LRRC40: variants seen among roughly 807,000 people sequenced by gnomAD.
LRRC40 encodes leucine-rich repeat-containing protein 40.
In LRRC40, 76 loss-of-function variants were observed where a neutral mutation model predicts 72.8. The observed-to-expected ratio is 1.04, with a 90% CI of 0.87 to 1.26. The LOEUF is 1.26. LRRC40 is among the 50% of genes most tolerant of loss of function. The pLI is 0.00. For synonymous variants in LRRC40, 243 were observed against 254.2 expected (o/e 0.96, Z 0.42); for missense variants, 684 against 698.9 (o/e 0.98, Z 0.24).
chr1:70,199,213 T>TCACACACACACA (rs1301228532), intron 1 of LRRC40, among the ~76,000 whole-genome samples: 1 of 81,910 alleles, frequency 1.2e-5, no homozygotes, highest in African/African-American at 8.5e-5. Context: ...TTATACATAG[T>TCACACACACACA]CTCACACACA....
intron 12 of LRRC40, 72 bp downstream of exon 12, chr1:70,152,361 A>T: frequency 1.3e-6 from 1 of 786,618 alleles, no homozygotes; most frequent in East Asian, 2.6e-5. Context: ...TGAGGTAAAA[A>T]GAATAAGTTA....
At chr1:70,169,200 G>T (rs949567858) in intron 9 of LRRC40, among the ~76,000 whole-genome samples, 1 of 152,080 alleles carries the variant, frequency 6.6e-6, no homozygotes, top group Admixed American at 6.6e-5. Context: ...GCAAGACCTC[G>T]TTCCACATAG....
chr1:70,173,174 T>C (rs1214512460), intron 9 of LRRC40, among the ~76,000 whole-genome samples: 2 of 152,080 alleles, frequency 1.3e-5, no homozygotes, highest in Non-Finnish European at 2.9e-5. Context: ...TTACTCCTTT[T>C]TCAAAGTTGA....
In LRRC40 at chr1:70,178,845, T is replaced by C; in HGVS notation, c.804+6A>G. 1.3e-6 allele frequency: 2 copies of C among 1,536,776 alleles called. No individual in the cohort carries two copies. Among genetic ancestry groups the C allele is most frequent in the Non-Finnish European group, 1.8e-6 (2 of 1,131,116 alleles). On this transcript the variant is annotated splice_donor_region_variant and intron_variant, in intron 6 of 14. Coordinates refer to ENST00000370952, the MANE Select transcript of LRRC40 (RefSeq NM_017768.5). The stretch of plus-strand genomic sequence containing the variant: ...TATAGTTATTTAATAATCAACTAAA[T>C]AGTACCTTCAATAGACTACAAGAAG...
chr1:70,169,221 G>C (rs1329739431), intron 9 of LRRC40, among the ~76,000 whole-genome samples: 1 of 152,118 alleles, frequency 6.6e-6, no homozygotes, highest in Non-Finnish European at 1.5e-5. Flanking sequence ...CCCACTCCAA[G>C]CATGAACCTA....
intron 9 of LRRC40, among the ~76,000 whole-genome samples, chr1:70,164,031 T>C (rs964846189): frequency 6.6e-6 from 1 of 152,162 alleles, no homozygotes; most frequent in African/African-American, 2.4e-5. Context: ...TGTGTCCTCA[T>C]ATGGCATAAG....
At chr1:70,152,635 T>G in intron 11 of LRRC40, 92 bp from the exon 12 acceptor site, 11 of 701,628 alleles carry the variant, frequency 1.6e-5, no homozygotes, top group Non-Finnish European at 2.8e-5. Context: ...ATTCCTATAT[T>G]TAACTTCTGC....
At chr1:70,159,152 T>G (rs867234936) in intron 10 of LRRC40, among the ~76,000 whole-genome samples, 178 bp downstream of exon 10, 2 of 152,092 alleles carry the variant, frequency 1.3e-5, no homozygotes, top group Non-Finnish European at 2.9e-5. Context: ...TTCCTATGTG[T>G]TTGGTAATGT....
chr1:70,187,036 AT>A (rs1415973442), intron 3 of LRRC40, among the ~76,000 whole-genome samples: 2 of 152,066 alleles, frequency 1.3e-5, no homozygotes, highest in Non-Finnish European at 2.9e-5. Flanking sequence ...TTTAAAAAAA[AT>A]CAACTAGCCT....
At chr1:70,153,801 G>A (rs933338616) in intron 11 of LRRC40, among the ~76,000 whole-genome samples, 4 of 151,914 alleles carry the variant, frequency 2.6e-5, no homozygotes, top group African/African-American at 9.7e-5. Context: ...GGGCAACATG[G>A]CAAAACCTGG....
At chr1:70,152,116 T>C (rs1667512993) in intron 12 of LRRC40, among the ~76,000 whole-genome samples, 1 of 152,098 alleles carries the variant, frequency 6.6e-6, no homozygotes, top group African/African-American at 2.4e-5. Flanking sequence ...TTTCAGAAAA[T>C]AAACAATGTG....
At chr1:70,178,805 T>G in intron 6 of LRRC40, 46 bp downstream of exon 6, 1 of 1,279,908 alleles carries the variant, frequency 7.8e-7, no homozygotes, top group South Asian at 1.6e-5. Flanking sequence ...ATTTTAATAA[T>G]TAACTTTTGG....
At chr1:70,188,851 G>A (rs558902624) in intron 2 of LRRC40, among the ~76,000 whole-genome samples, 3 of 152,224 alleles carry the variant, frequency 2.0e-5, no homozygotes, top group East Asian at 3.9e-4. Flanking sequence ...TACAGATGTG[G>A]AGACTAAGGC....
chr1:70,154,745 C>T (rs1005839919), intron 11 of LRRC40, among the ~76,000 whole-genome samples: 2 of 152,100 alleles, frequency 1.3e-5, no homozygotes, highest in South Asian at 2.1e-4. Flanking sequence ...CTCTCCTCCA[C>T]GACATCACCT....
At chr1:70,163,449 A>G (rs1667810225) in intron 9 of LRRC40, among the ~76,000 whole-genome samples, 1 of 152,032 alleles carries the variant, frequency 6.6e-6, no homozygotes, top group African/African-American at 2.4e-5. Flanking sequence ...TAGCCACCTC[A>G]TATTCCTTGC....
At chr1:70,201,801 C>T (rs201298394) in intron 1 of LRRC40, among the ~76,000 whole-genome samples, 1 of 151,910 alleles carries the variant, frequency 6.6e-6, no homozygotes, top group Non-Finnish European at 1.5e-5. Flanking sequence ...GGAGAAACCC[C>T]GTCTCTACTA....
intron 10 of LRRC40, among the ~76,000 whole-genome samples, chr1:70,158,603 T>C (rs1360540833): frequency 6.6e-6 from 1 of 152,154 alleles, no homozygotes; most frequent in Non-Finnish European, 1.5e-5. Context: ...TTAAAATTTT[T>C]TGGCTTTGTC....
chr1:70,173,572 A>T, intron 8 of LRRC40, 50 bp downstream of exon 8: 1 of 1,480,092 alleles, frequency 6.8e-7, no homozygotes, highest in Non-Finnish European at 9.4e-7. Context: ...AGATCAACAT[A>T]TATGTCTGAA....
intron 1 of LRRC40, among the ~76,000 whole-genome samples, chr1:70,204,203 G>A (rs537298357): frequency 2.7e-4 from 41 of 152,236 alleles, no homozygotes; most frequent in Middle Eastern, 3.4e-3. Flanking sequence ...TATTGCTTCC[G>A]CAAAATTTAA....
Sources: allele counts gnomAD v4.1 joint callset (sites outside exome capture counted in the v4.1 genomes callset), GRCh38; gene constraint gnomAD v4.1.1; transcripts MANE v1.5; gene names NCBI Gene and HGNC (gene_info 2026-07-23, HGNC 2026-07-21).